ADAMTS3: variants seen among roughly 807,000 people sequenced by gnomAD.
ADAMTS3 encodes the protein A disintegrin and metalloproteinase with thrombospondin motifs 3.
ADAMTS3 carries 73 observed loss-of-function variants against 129.0 expected under a neutral mutation model. The observed-to-expected ratio is 0.57, with a 90% CI of 0.47 to 0.69. The LOEUF (loss-of-function observed/expected upper bound fraction) is 0.69, where lower values mean the gene tolerates loss of function less well. ADAMTS3 is among the 30% of genes least tolerant of loss of function. The pLI is 0.00. For missense variants in ADAMTS3, 1,457 were observed against 1,514.5 expected (o/e 0.96, Z 0.63); for synonymous variants, 477 against 510.8 (o/e 0.93, Z 0.89).
At chr4:72,317,199 C>T (rs77750431) in intron 10 of ADAMTS3, among the ~76,000 whole-genome samples, 1,532 of 152,254 alleles carry the variant, frequency 0.01, 34 homozygotes, top group African/African-American at 0.035. Context: ...TTTATTAGTA[C>T]ACATTTTTAG....
In ADAMTS3 at chr4:72,443,101, C is replaced by A. The variant is rs150317944; in HGVS notation, c.505-28130G>T. ...GTGTCAAATAACTTATCCTTCTTGG[C>A]GACTGAAACATGGGAAGTAATTTTC... On this transcript the variant is annotated intron_variant, in intron 3 of 21. Transcript: ENST00000286657. 6.2e-4 allele frequency among the ~76,000 whole-genome samples: 94 copies of A among 151,692 alleles called. No individual in the cohort carries two copies. In the South Asian group the frequency reaches 0.011, roughly 18 times the overall value.
chr4:72,454,552 C>A (rs1718491865), intron 3 of ADAMTS3, among the ~76,000 whole-genome samples: 1 of 151,670 alleles, frequency 6.6e-6, no homozygotes, highest in South Asian at 2.1e-4. Context: ...ACATGCTTGG[C>A]ACATGCTTGA....
intron 6 of ADAMTS3, among the ~76,000 whole-genome samples, chr4:72,321,859 C>A (rs994236105): frequency 2.6e-5 from 4 of 151,916 alleles, no homozygotes; most frequent in Admixed American, 2.0e-4. Flanking sequence ...AAAATAAGTT[C>A]TTTGAATGTT....
At chr4:72,550,084 A>T (rs1423231947) in intron 2 of ADAMTS3, among the ~76,000 whole-genome samples, 1 of 111,450 alleles carries the variant, frequency 9.0e-6, no homozygotes, top group Non-Finnish European at 1.9e-5. Flanking sequence ...AGGAAGAGGA[A>T]GAAGAAGAAG....
rs1488814070 is a variant in ADAMTS3, at chr4:72,520,257, T to G, written c.504+28221A>C. On this transcript the variant is annotated intron_variant, in intron 3 of 21. Coordinates refer to ENST00000286657, the MANE Select transcript of ADAMTS3 (RefSeq NM_014243.3). ...GTGTCAGTCTGCCCCTACTGGGGGG[T>G]GCCTCCCAGTTAGGCTGCTCGGGGG... 2.0e-5 allele frequency among the ~76,000 whole-genome samples: 3 copies of G among 151,896 alleles called. No homozygotes were observed. The South Asian group carries it at 6.3e-4, about 32-fold the overall frequency.
At chr4:72,292,317 G>A (rs1300340628) in intron 19 of ADAMTS3, among the ~76,000 whole-genome samples, 1 of 152,156 alleles carries the variant, frequency 6.6e-6, no homozygotes, top group Non-Finnish European at 1.5e-5. Context: ...GTTCACTCAT[G>A]TTTAAATATT....
chr4:72,312,725 GA>G (rs531592348), intron 12 of ADAMTS3, among the ~76,000 whole-genome samples: 68 of 150,330 alleles, frequency 4.5e-4, no homozygotes, highest in Non-Finnish European at 9.2e-4. Flanking sequence ...AAGTGTGTAA[GA>G]AAAAAAAAGC....
At chr4:72,447,686 G>C (rs542252497) in intron 3 of ADAMTS3, among the ~76,000 whole-genome samples, 1 of 151,670 alleles carries the variant, frequency 6.6e-6, no homozygotes, top group South Asian at 2.1e-4. Flanking sequence ...TTCAACATCT[G>C]CATCTTCTTC....
chr4:72,440,432 AT>A (rs1471985257), intron 3 of ADAMTS3, among the ~76,000 whole-genome samples: 7 of 151,788 alleles, frequency 4.6e-5, no homozygotes, highest in Non-Finnish European at 1.0e-4. Context: ...GAAAAAAATC[AT>A]TTCCTTGTTT....
rs183135618 is a variant in ADAMTS3 at position 72,392,348 on chromosome 4, C to T, written c.661+22467G>A. On this transcript the variant is annotated intron_variant, in intron 4 of 21. Coordinates refer to ENST00000286657, the MANE Select transcript of ADAMTS3 (RefSeq NM_014243.3). The stretch of plus-strand genomic sequence containing the variant: ...GTAACTTTCCACAGCCTTTATATTT[C>T]TATATCTATTTTCTCCATGTATAGC... 9.1e-4 allele frequency among the ~76,000 whole-genome samples: 139 copies of T among 152,248 alleles called. 1 individual carries two copies. Among genetic ancestry groups the T allele is most frequent in the African/African-American group, 3.3e-3 (136 of 41,544 alleles).
rs1287434739 is a variant in ADAMTS3 at position 72,474,952 on chromosome 4, G to A, written c.505-59981C>T. 9.9e-5 allele frequency among the ~76,000 whole-genome samples: 15 copies of A among 150,776 alleles called. No homozygotes were observed. In the East Asian group the frequency reaches 1.9e-3, roughly 20 times the overall value. On this transcript the variant is annotated intron_variant, in intron 3 of 21. Coordinates refer to ENST00000286657, the MANE Select transcript of ADAMTS3 (RefSeq NM_014243.3). ...TGAGGCAGGAGAATGGCGTGAACCC[G>A]GGAGGCGGAGCTTGCAGTGAGCCGA...
intron 4 of ADAMTS3, among the ~76,000 whole-genome samples, chr4:72,348,858 G>A (rs1229916680): frequency 6.6e-6 from 1 of 151,634 alleles, no homozygotes; most frequent in Middle Eastern, 3.2e-3. Flanking sequence ...CAAAAACAAG[G>A]ACCTGAATTC....
chr4:72,498,674 C>G (rs1482138987), intron 3 of ADAMTS3, among the ~76,000 whole-genome samples: 1 of 151,886 alleles, frequency 6.6e-6, no homozygotes. Context: ...CACACGCACA[C>G]ACACGTTTAT....
At chr4:72,421,957 T>A (rs527237853) in intron 3 of ADAMTS3, among the ~76,000 whole-genome samples, 2 of 152,300 alleles carry the variant, frequency 1.3e-5, no homozygotes, top group African/African-American at 2.4e-5. Context: ...CCCATTTAGG[T>A]AGTCATGCAT....
chr4:72,428,806 A>G (rs1209632871), intron 3 of ADAMTS3, among the ~76,000 whole-genome samples: 1 of 152,000 alleles, frequency 6.6e-6, no homozygotes, highest in African/African-American at 2.4e-5. Flanking sequence ...CAATTACTCT[A>G]TTATTTAAAT....
Position 72,372,289 on chromosome 4 carries a change from T to G in ADAMTS3, c.662-32596A>C, listed in dbSNP as rs939402349. On this transcript the variant is annotated intron_variant, in intron 4 of 21. Coordinates refer to ENST00000286657, the MANE Select transcript of ADAMTS3 (RefSeq NM_014243.3). ...CATAAAGAATAAAAAAAATCAGTGC[T>G]GGCAAAAATTGAATCTGTGGGAAGA... 2.6e-5 allele frequency among the ~76,000 whole-genome samples: 4 copies of G among 152,168 alleles called. No individual in the cohort carries two copies. The South Asian group carries it at 8.3e-4, about 32-fold the overall frequency.
chr4:72,321,123 G>T lies in ADAMTS3; in HGVS notation c.946-253C>A, dbSNP rs997782323. Among the ~76,000 whole-genome samples, 15 of 152,226 alleles carry T rather than the reference G, an allele frequency of 9.9e-5. No homozygotes were observed. The South Asian group carries it at 2.9e-3, about 29-fold the overall frequency. On this transcript the variant is annotated intron_variant, in intron 6 of 21. Transcript: ENST00000286657. The stretch of plus-strand genomic sequence containing the variant: ...GAATGGTTTTGTTATATTTGAGACA[G>T]AATCTCACAATTTTACCTGTGGGAA...
chr4:72,291,874 A>G (rs1000776601), intron 19 of ADAMTS3, among the ~76,000 whole-genome samples: 1 of 152,222 alleles, frequency 6.6e-6, no homozygotes, highest in Non-Finnish European at 1.5e-5. Flanking sequence ...CCAACGGTGT[A>G]AAAGTTTTCC....
At chr4:72,452,541 A>G (rs1204743183) in intron 3 of ADAMTS3, among the ~76,000 whole-genome samples, 1 of 151,708 alleles carries the variant, frequency 6.6e-6, no homozygotes, top group Non-Finnish European at 1.5e-5. Flanking sequence ...TAGAACATGA[A>G]TCTATCAGCA....
Sources: gnomAD v4.1 joint callset for allele counts (sites outside exome capture counted in the v4.1 genomes callset) on GRCh38, gnomAD v4.1.1 for gene constraint, MANE v1.5 for transcripts, NCBI Gene and HGNC (gene_info 2026-07-23, HGNC 2026-07-21) for gene names.